RBFOX1: variants seen among roughly 807,000 people sequenced by gnomAD.
The protein encoded by RBFOX1 is RNA binding fox-1 homolog 1.
RBFOX1 carries 8 observed loss-of-function variants against 57.7 expected under a neutral mutation model. That is an observed-to-expected ratio of 0.14 (90% confidence interval 0.08 to 0.25). The LOEUF (loss-of-function observed/expected upper bound fraction) is 0.25, where lower values mean the gene tolerates loss of function less well. RBFOX1 is among the 10% of genes least tolerant of loss of function. The pLI, the probability that RBFOX1 is intolerant of heterozygous loss-of-function variation, is 1.00. For missense variants in RBFOX1, 611 were observed against 548.5 expected (o/e 1.11, Z -1.14); for synonymous variants, 326 against 222.4 (o/e 1.47, Z -4.15).
At chr16:7,071,968 A>G (rs926226045) in intron 4 of RBFOX1, among the ~76,000 whole-genome samples, 2 of 152,044 alleles carry the variant, frequency 1.3e-5, no homozygotes, top group Non-Finnish European at 2.9e-5. Flanking sequence ...GTGATTCCTA[A>G]TATCTCTTAA....
At chr16:7,202,583 GC>G (rs1211805564) in intron 4 of RBFOX1, among the ~76,000 whole-genome samples, 2 of 152,190 alleles carry the variant, frequency 1.3e-5, no homozygotes, top group Non-Finnish European at 2.9e-5. Flanking sequence ...GGATGAGCAA[GC>G]AAAGCTTCTT....
rs2097283820 is a variant in RBFOX1 at position 7,359,703 on chromosome 16, G to C, written c.28-158444G>C. Among the ~76,000 whole-genome samples, 3 of 152,174 alleles carry C rather than the reference G, an allele frequency of 2.0e-5. No individual in the cohort carries two copies. In the South Asian group the frequency reaches 6.2e-4, roughly 32 times the overall value. On this transcript the variant is annotated intron_variant, in intron 4 of 15. Transcript: ENST00000550418. ...TTGAATCTCAAATTTAACCACTCTGGACCTGGCATGGTGGCTTACCCCTGT... is the reference window on the plus strand; with the variant it reads ...TTGAATCTCAAATTTAACCACTCTGCACCTGGCATGGTGGCTTACCCCTGT...
At chr16:7,426,099 T>C (rs1032949779) in intron 4 of RBFOX1, among the ~76,000 whole-genome samples, 2 of 152,234 alleles carry the variant, frequency 1.3e-5, no homozygotes, top group Admixed American at 1.3e-4. Flanking sequence ...GTAATCATTT[T>C]AATATACTCA....
chr16:5,565,828 G>C lies in RBFOX1; in HGVS notation c.259-33074G>C, dbSNP rs1189699881. 3.3e-5 allele frequency among the ~76,000 whole-genome samples: 5 copies of C among 152,074 alleles called. No individual in the cohort carries two copies. In the East Asian group the frequency reaches 9.8e-4, roughly 30 times the overall value. ...CATGGGAAATAAGAGAGGCTCCTAA[G>C]GGTAGGTGGGTGATATGGTTTGGCT... On this transcript the variant is annotated intron_variant, in intron 2 of 2. Coordinates refer to the RBFOX1 transcript ENST00000585867.
chr16:7,399,329 C>A (rs752524627), intron 4 of RBFOX1, among the ~76,000 whole-genome samples: 1 of 152,126 alleles, frequency 6.6e-6, no homozygotes, highest in East Asian at 1.9e-4. Context: ...TGCCTGTAAT[C>A]GCAGCTACGT....
intron 6 of RBFOX1, among the ~76,000 whole-genome samples, chr16:7,580,869 C>G (rs1049727357): frequency 2.6e-5 from 4 of 152,214 alleles, no homozygotes; most frequent in African/African-American, 9.6e-5. Context: ...AAAAGAACTA[C>G]ATCCTTAACA....
At chr16:7,259,023 C>G (rs887638263) in intron 4 of RBFOX1, among the ~76,000 whole-genome samples, 2 of 152,170 alleles carry the variant, frequency 1.3e-5, no homozygotes, top group African/African-American at 2.4e-5. Flanking sequence ...CCTCTTCAAA[C>G]TAGTGATCAC....
intron 3 of RBFOX1, among the ~76,000 whole-genome samples, chr16:5,754,655 G>A (rs1354106322): frequency 3.6e-5 from 4 of 112,304 alleles, no homozygotes; most frequent in South Asian, 7.5e-4. Flanking sequence ...CGTGAACAAA[G>A]GTCTTGGCAT....
intron 12 of RBFOX1, among the ~76,000 whole-genome samples, chr16:7,660,341 G>A (rs535622744): frequency 1.3e-5 from 2 of 152,264 alleles, no homozygotes; most frequent in South Asian, 4.2e-4. Flanking sequence ...GACCATCTCT[G>A]CATTGAAATA....
At chr16:7,141,241 T>C (rs1219438453) in intron 4 of RBFOX1, among the ~76,000 whole-genome samples, 1 of 152,178 alleles carries the variant, frequency 6.6e-6, no homozygotes, top group Non-Finnish European at 1.5e-5. Context: ...CCAGATCGCT[T>C]CCTGCCCTTC....
intron 1 of RBFOX1, among the ~76,000 whole-genome samples, chr16:6,042,923 G>T (rs548841694): frequency 6.6e-6 from 1 of 152,048 alleles, no homozygotes; most frequent in East Asian, 2.0e-4. Flanking sequence ...CTGGTAGAAA[G>T]AAATGCTTGA....
intron 3 of RBFOX1, among the ~76,000 whole-genome samples, chr16:6,674,887 GT>G (rs2057350932): frequency 1.3e-5 from 2 of 151,938 alleles, no homozygotes; most frequent in South Asian, 4.2e-4. Flanking sequence ...TGTGTTTTTT[GT>G]TTGTTTGGTG....
At chr16:6,728,516 A>G (rs1035719755) in intron 3 of RBFOX1, among the ~76,000 whole-genome samples, 5 of 152,158 alleles carry the variant, frequency 3.3e-5, no homozygotes, top group African/African-American at 7.2e-5. Context: ...TTAATTCTCA[A>G]CGCATCTGAA....
chr16:6,987,081 G>A (rs759406059), intron 3 of RBFOX1, among the ~76,000 whole-genome samples: 7 of 152,078 alleles, frequency 4.6e-5, no homozygotes, highest in Non-Finnish European at 1.0e-4. Context: ...TCATCCAAGC[G>A]ATCTATTAGC....
chr16:7,612,320 CAAAAAAAAAAAAAAAA>C lies in RBFOX1; in HGVS notation c.676+4996_676+5011del, dbSNP rs60248765. ...TGGGTAACAGAGCGAGACTCCATCTCAAAAAAAAAAAAAAAAAAAAAAAAAAAAAGACAAATGATTG... is the reference window on the plus strand; with the variant it reads ...TGGGTAACAGAGCGAGACTCCATCTCAAAAAAAAAAAAAGACAAATGATTG... On this transcript the variant is annotated intron_variant, in intron 10 of 15. Transcript: ENST00000550418. Among the ~76,000 whole-genome samples the C allele has an allele frequency of 8.3e-3, 591 of 71,474 alleles. 7 individuals carry two copies. The highest frequency in any genetic ancestry group is 0.036 in the African/African-American group (556 of 15,468). 46.9% of individuals were successfully genotyped at this position (71,474 alleles called of 152,430 possible).
chr16:6,116,585 G>GGAGCA (rs2096497857), intron 1 of RBFOX1, among the ~76,000 whole-genome samples: 1 of 152,172 alleles, frequency 6.6e-6, no homozygotes, highest in African/African-American at 2.4e-5. Flanking sequence ...GGTGAGGAGA[G>GGAGCA]GAGCAGAGTG....
At chr16:5,285,526 A>G (rs536755074) in intron 1 of RBFOX1, among the ~76,000 whole-genome samples, 16 of 152,042 alleles carry the variant, frequency 1.1e-4, no homozygotes, top group African/African-American at 3.6e-4. Flanking sequence ...TTCCTTTTTC[A>G]TATTTCTTGC....
intron 4 of RBFOX1, among the ~76,000 whole-genome samples, chr16:7,166,972 C>CTTGTTTTTTTT (rs2079652043): frequency 2.0e-5 from 1 of 49,098 alleles, no homozygotes; most frequent in Non-Finnish European, 3.4e-5. Context: ...CATTGGTGTT[C>CTTGTTTTTTTT]TTTTTTTTTT....
intron 1 of RBFOX1, among the ~76,000 whole-genome samples, chr16:5,422,301 G>A (rs1295420983): frequency 6.9e-6 from 1 of 145,610 alleles, no homozygotes; most frequent in East Asian, 2.1e-4. Context: ...GGAGGGAGAG[G>A]AGGAGGGAAA....
Sources: allele counts gnomAD v4.1 joint callset (sites outside exome capture counted in the v4.1 genomes callset), GRCh38; gene constraint gnomAD v4.1.1; transcripts MANE v1.5; gene names NCBI Gene and HGNC (gene_info 2026-07-23, HGNC 2026-07-21).